CRTAP: variants seen among roughly 807,000 people sequenced by gnomAD.
CRTAP encodes cartilage-associated protein.
CRTAP carries 33 observed loss-of-function variants against 42.7 expected under a neutral mutation model. That is an observed-to-expected ratio of 0.77 (90% CI 0.59 to 1.03). The LOEUF (loss-of-function observed/expected upper bound fraction) is 1.03, where lower values mean the gene tolerates loss of function less well. Among genes scored for constraint, CRTAP ranks in the 50% least tolerant of loss-of-function variants. The pLI is 0.00. For missense variants in CRTAP, 613 were observed against 533.9 expected, an observed-to-expected ratio of 1.15 and a Z score of -1.46; for synonymous variants, 243 against 217.7, an observed-to-expected ratio of 1.12 and a Z score of -1.02.
At chr3:33,115,168 A>G (rs1300107985) in intron 1 of CRTAP, 3 of 151,642 alleles carry the variant, frequency 2.0e-5, no homozygotes, top group Admixed American at 6.6e-5. Flanking sequence ...CTGATCTCGA[A>G]CTCCCGGACT....
chr3:33,139,475 ATTTT>A (rs554392214), intron 6 of CRTAP, among the ~76,000 whole-genome samples: 1 of 139,136 alleles, frequency 7.2e-6, no homozygotes. Flanking sequence ...AATTCGTTGA[ATTTT>A]TTTTTTTTTT....
At chr3:33,139,969 T>G (rs1453078404) in intron 6 of CRTAP, among the ~76,000 whole-genome samples, 2 of 152,238 alleles carry the variant, frequency 1.3e-5, no homozygotes, top group African/African-American at 4.8e-5. Context: ...TGCTTCCAAC[T>G]TTTTGCTTTT....
At chr3:33,134,406 C>T (rs2030363086) in intron 6 of CRTAP, 141 bp downstream of exon 6, 1 of 695,350 alleles carries the variant, frequency 1.4e-6, no homozygotes, top group Non-Finnish European at 2.6e-6. Context: ...GTGGGTGTTT[C>T]AGTGACAGTC....
chr3:33,118,345 T>C (rs182022398), intron 1 of CRTAP, among the ~76,000 whole-genome samples: 2 of 152,146 alleles, frequency 1.3e-5, no homozygotes, highest in Non-Finnish European at 2.9e-5. Flanking sequence ...ATTCATACCC[T>C]CTCCCTTCCT....
At chr3:33,119,796 G>T (rs1701393955) in intron 1 of CRTAP, among the ~76,000 whole-genome samples, 1 of 152,198 alleles carries the variant, frequency 6.6e-6, no homozygotes, top group Admixed American at 6.5e-5. Flanking sequence ...TGCCACAGGG[G>T]TGATAGCAGT....
chr3:33,131,206 G>T (rs933761756), intron 4 of CRTAP, among the ~76,000 whole-genome samples: 1 of 151,668 alleles, frequency 6.6e-6, no homozygotes, highest in Non-Finnish European at 1.5e-5. Context: ...GGAAGAGTGA[G>T]AGAGGTGATC....
At chr3:33,134,711 T>G (rs2030371411) in intron 6 of CRTAP, among the ~76,000 whole-genome samples, 1 of 152,248 alleles carries the variant, frequency 6.6e-6, no homozygotes, top group Non-Finnish European at 1.5e-5. Context: ...TGATTCCACC[T>G]TACTCAGCTG....
chr3:33,114,436 A>G lies in CRTAP; in HGVS notation c.359A>G (p.Lys120Arg), dbSNP rs1296812881. 1 of 1,569,654 alleles carries G rather than the reference A, an allele frequency of 6.4e-7. No individual in the cohort carries two copies. Among genetic ancestry groups the G allele is most frequent in the South Asian group, 1.2e-5 (1 of 86,122 alleles). ...GGLLRRAHCL[K>R]RCKQGLPAFR... ...CTGCTGCGCCGCGCGCACTGCCTCA[A>G]GCGCTGCAAGCAGGGCCTGCCAGCC... The change falls in exon 1 of 7, where the codon AAG becomes AGG. Residue 120 changes from lysine (K) to arginine (R), a missense_variant. Lys to Arg is a conservative substitution (Grantham distance 26). Coordinates refer to ENST00000320954, the MANE Select transcript of CRTAP (RefSeq NM_006371.5).
chr3:33,131,951 C>T (rs754804627), intron 4 of CRTAP, among the ~76,000 whole-genome samples: 52 of 152,044 alleles, frequency 3.4e-4, no homozygotes, highest in South Asian at 1.0e-3. Context: ...CAAGACAAAT[C>T]CCAAGCCCTG....
At chr3:33,128,197 A>G (rs1393835018) in intron 3 of CRTAP, among the ~76,000 whole-genome samples, 5 of 152,324 alleles carry the variant, frequency 3.3e-5, no homozygotes, top group Non-Finnish European at 7.3e-5. Flanking sequence ...TTAATATACT[A>G]GATACAATGC....
rs373058558 is a variant in CRTAP at position 33,124,419 on chromosome 3, C to T, written c.633C>T (p.Ile211=). The change falls in exon 3 of 7, where the codon ATC becomes ATT. Residue 211 remains isoleucine (I), a synonymous_variant. Coordinates refer to ENST00000320954, the MANE Select transcript of CRTAP (RefSeq NM_006371.5). ...TCCATGCCTTTCAGAGCCTGTTCAT[C>T]CGAGCAGTGCGGGCATACAACGGTG... ...LETKSYESLF[I]RAVRAYNGEN... 99 of 1,614,028 alleles carry T rather than the reference C, an allele frequency of 6.1e-5. 1 individual carries two copies. The South Asian group carries it at 1.0e-3, about 17-fold the overall frequency.
chr3:33,132,021 G>A (rs1331371533), intron 4 of CRTAP, among the ~76,000 whole-genome samples: 1 of 151,958 alleles, frequency 6.6e-6, no homozygotes, highest in African/African-American at 2.4e-5. Flanking sequence ...AGAGGCTGGA[G>A]GTGGGAGTTC....
chr3:33,136,441 A>AT (rs2030420656), intron 6 of CRTAP, among the ~76,000 whole-genome samples: 1 of 152,172 alleles, frequency 6.6e-6, no homozygotes, highest in African/African-American at 2.4e-5. Flanking sequence ...ATGTTAGGCC[A>AT]TTTTTGCATC....
intron 3 of CRTAP, among the ~76,000 whole-genome samples, chr3:33,129,375 T>G (rs1453265676): frequency 6.6e-6 from 1 of 152,124 alleles, no homozygotes; most frequent in Non-Finnish European, 1.5e-5. Flanking sequence ...ACAAAAGAGG[T>G]GTAGTGTCTC....
intron 3 of CRTAP, among the ~76,000 whole-genome samples, chr3:33,125,644 C>G (rs1000090899): frequency 1.3e-5 from 2 of 152,080 alleles, no homozygotes; most frequent in African/African-American, 4.8e-5. Flanking sequence ...TGAGCTTCCT[C>G]TAATTCCCAC....
At chr3:33,137,170 T>TG (rs1386301056) in intron 6 of CRTAP, among the ~76,000 whole-genome samples, 2 of 152,218 alleles carry the variant, frequency 1.3e-5, no homozygotes, top group Non-Finnish European at 2.9e-5. Flanking sequence ...GACAGAGTTT[T>TG]GCTCTTGTTG....
At chr3:33,127,351 A>G (rs58829559) in intron 3 of CRTAP, among the ~76,000 whole-genome samples, 6,622 of 152,126 alleles carry the variant, frequency 0.044, 434 homozygotes, top group African/African-American at 0.15. Flanking sequence ...CACCTTACCT[A>G]GATTCACCAA....
intron 1 of CRTAP, among the ~76,000 whole-genome samples, chr3:33,116,655 A>G (rs72857440): frequency 0.052 from 7,883 of 152,298 alleles, 670 homozygotes; most frequent in African/African-American, 0.18. Context: ...TTGAACCACC[A>G]TGCCCGGCCA....
At chr3:33,130,349 C>T (rs560292715) in intron 4 of CRTAP, among the ~76,000 whole-genome samples, 5 of 152,230 alleles carry the variant, frequency 3.3e-5, no homozygotes, top group Admixed American at 1.3e-4. Context: ...ATAGGATTGT[C>T]CTGAGGAGTA....
Sources: allele counts gnomAD v4.1 joint callset (sites outside exome capture counted in the v4.1 genomes callset), GRCh38; gene constraint gnomAD v4.1.1; transcripts MANE v1.5; gene names NCBI Gene and HGNC (gene_info 2026-07-23, HGNC 2026-07-21).